TJP1: variants seen among roughly 807,000 people sequenced by gnomAD.
TJP1 encodes the protein tight junction protein 1, also known as tight junction protein ZO-1.
A neutral mutation model predicts 194.2 loss-of-function variants in TJP1; 43 were observed. The observed-to-expected ratio is 0.22, with a 90% CI of 0.17 to 0.29. The LOEUF (loss-of-function observed/expected upper bound fraction) is 0.29. Ranked by LOEUF, TJP1 falls within the 10% of genes least tolerant of loss-of-function variation. The pLI, the probability that TJP1 is intolerant of heterozygous loss-of-function variation, is 1.00. For missense variants in TJP1, 1,971 were observed against 2,185.7 expected, an observed-to-expected ratio of 0.90 and a Z score of 1.96; for synonymous variants, 801 against 779.0, an observed-to-expected ratio of 1.03 and a Z score of -0.47.
At chr15:29,898,900 A>G (rs1427552025) in intron 2 of TJP1, among the ~76,000 whole-genome samples, 1 of 152,212 alleles carries the variant, frequency 6.6e-6, no homozygotes, top group African/African-American at 2.4e-5. Context: ...AAATATATGG[A>G]AATACATAGG....
At chr15:29,826,708 G>T (rs776931068), upstream of TJP1, among the ~76,000 whole-genome samples, 1 of 152,076 alleles carries the variant, frequency 6.6e-6, no homozygotes, top group South Asian at 2.1e-4. Flanking sequence ...GAATTCAAGC[G>T]TCTTCTAGTG....
intron 2 of TJP1, among the ~76,000 whole-genome samples, chr15:29,873,358 C>G (rs2052590898): frequency 6.6e-6 from 1 of 152,196 alleles, no homozygotes; most frequent in South Asian, 2.1e-4. Context: ...TTCCCAAATT[C>G]AAAGGCGACA....
intron 2 of TJP1, among the ~76,000 whole-genome samples, chr15:29,948,261 A>C (rs1169181354): frequency 1.4e-5 from 1 of 73,024 alleles, no homozygotes; most frequent in Non-Finnish European, 2.6e-5. Context: ...ACTCCATCAC[A>C]AAAAAAAAAA....
intron 1 of TJP1, among the ~76,000 whole-genome samples, chr15:29,960,854 A>AC (rs1460813388): frequency 6.6e-6 from 1 of 151,780 alleles, no homozygotes; most frequent in Non-Finnish European, 1.5e-5. Flanking sequence ...CTCAATAATG[A>AC]CCCCCCTTTG....
chr15:29,751,332 A>C (rs888981682), intron 8 of TJP1, among the ~76,000 whole-genome samples: 1 of 152,236 alleles, frequency 6.6e-6, no homozygotes, highest in African/African-American at 2.4e-5. Context: ...TTTCTAAAAC[A>C]TACATGTGTT....
intron 2 of TJP1, among the ~76,000 whole-genome samples, chr15:29,859,454 G>A (rs895555836): frequency 2.6e-5 from 4 of 152,168 alleles, no homozygotes; most frequent in African/African-American, 7.2e-5. Flanking sequence ...CTCTGACCCC[G>A]CAGCAATCTA....
intron 2 of TJP1, among the ~76,000 whole-genome samples, chr15:29,829,020 G>A (rs1301140424): frequency 5.9e-5 from 9 of 152,150 alleles, no homozygotes; most frequent in Admixed American, 5.9e-4. Context: ...CCTAAGTGCT[G>A]AGATTACAGG....
chr15:29,748,613 C>T (rs577969913), intron 8 of TJP1, among the ~76,000 whole-genome samples: 97 of 118,344 alleles, frequency 8.2e-4, no homozygotes, highest in Admixed American at 4.5e-3. Flanking sequence ...CTCAATGTTG[C>T]CCTGGCTGGA....
chr15:29,778,286 A>C (rs981370939), intron 2 of TJP1, among the ~76,000 whole-genome samples: 1 of 151,958 alleles, frequency 6.6e-6, no homozygotes, highest in African/African-American at 2.4e-5. Flanking sequence ...CATGATCCTC[A>C]ATCTATACCA....
chr15:29,856,954 CA>C (rs2051879541), intron 2 of TJP1, among the ~76,000 whole-genome samples: 1 of 151,860 alleles, frequency 6.6e-6, no homozygotes, highest in Admixed American at 6.6e-5. Flanking sequence ...CAATTATATA[CA>C]GAGCATTTAC....
intron 2 of TJP1, among the ~76,000 whole-genome samples, chr15:29,954,611 T>G (rs1179088933): frequency 6.6e-6 from 1 of 152,212 alleles, no homozygotes; most frequent in Non-Finnish European, 1.5e-5. Flanking sequence ...GTCTTTTTAT[T>G]CTTTTTCTGT....
intron 2 of TJP1, among the ~76,000 whole-genome samples, chr15:29,857,272 G>C (rs562528533): frequency 1.0e-3 from 152 of 151,168 alleles, no homozygotes; most frequent in Non-Finnish European, 1.4e-3. Flanking sequence ...CAGAAGATGA[G>C]AGACTTCTTG....
At chr15:29,769,644 AG>A (rs1165799666) in intron 4 of TJP1, among the ~76,000 whole-genome samples, 2 of 152,158 alleles carry the variant, frequency 1.3e-5, no homozygotes, top group African/African-American at 2.4e-5. Flanking sequence ...CACGTACTGC[AG>A]GGGCCCCATA....
intron 2 of TJP1, among the ~76,000 whole-genome samples, chr15:29,935,377 C>A (rs190924935): frequency 1.3e-5 from 2 of 152,308 alleles, no homozygotes; most frequent in Non-Finnish European, 2.9e-5. Flanking sequence ...CTTGTAGCAA[C>A]CATTGCCAGG....
chr15:29,749,407 C>T (rs1436485263), intron 8 of TJP1, among the ~76,000 whole-genome samples: 1 of 152,174 alleles, frequency 6.6e-6, no homozygotes, highest in East Asian at 1.9e-4. Context: ...GAGTAACATG[C>T]TGTTTCAAGT....
chr15:29,948,641 G>C (rs972818903), intron 2 of TJP1, among the ~76,000 whole-genome samples: 1 of 152,110 alleles, frequency 6.6e-6, no homozygotes, highest in Non-Finnish European at 1.5e-5. Flanking sequence ...CATGGCACAA[G>C]CCTACCGAGG....
intron 8 of TJP1, chr15:29,760,015 T>C (rs924127898): frequency 3.9e-5 from 20 of 511,778 alleles, no homozygotes; most frequent in Non-Finnish European, 6.5e-5. Context: ...TAGTTCGTTC[T>C]GGTTTTAATT....
At chr15:29,838,302 A>G (rs1321610604) in intron 2 of TJP1, among the ~76,000 whole-genome samples, 3 of 152,148 alleles carry the variant, frequency 2.0e-5, no homozygotes, top group Non-Finnish European at 2.9e-5. Context: ...GTGCACATCT[A>G]TAATTCCAGC....
intron 18 of TJP1, among the ~76,000 whole-genome samples, chr15:29,722,857 A>G (rs1233605410): frequency 6.6e-6 from 1 of 152,214 alleles, no homozygotes; most frequent in Non-Finnish European, 1.5e-5. Context: ...CCTGGGTGTG[A>G]GCAGTGGAGT....
Sources: allele counts gnomAD v4.1 joint callset (sites outside exome capture counted in the v4.1 genomes callset), GRCh38; gene constraint gnomAD v4.1.1; transcripts MANE v1.5; gene names NCBI Gene and HGNC (gene_info 2026-07-23, HGNC 2026-07-21).